The following TAS2R1 variants were observed in gnomAD, a reference collection of about 807,000 sequenced individuals.
TAS2R1 encodes taste receptor type 2 member 1.
For missense variants in TAS2R1, 370 were observed against 353.4 expected, an observed-to-expected ratio of 1.05 and a Z score of -0.38; for synonymous variants, 141 against 134.2, an observed-to-expected ratio of 1.05 and a Z score of -0.35.
intron 1 of TAS2R1, among the ~76,000 whole-genome samples, chr5:9,663,797 G>A (rs538754250): frequency 6.6e-6 from 1 of 152,198 alleles, no homozygotes; most frequent in South Asian, 2.1e-4. Context: ...GATTATCCTG[G>A]GTTACCCAGG....
At chr5:9,700,599 T>C (rs1741460327) in intron 1 of TAS2R1, among the ~76,000 whole-genome samples, 1 of 152,178 alleles carries the variant, frequency 6.6e-6, no homozygotes. Context: ...TATAATGCGC[T>C]TGCTTGCTAG....
At chr5:9,688,469 C>G (rs1406286509) in intron 1 of TAS2R1, among the ~76,000 whole-genome samples, 1 of 152,166 alleles carries the variant, frequency 6.6e-6, no homozygotes, top group Non-Finnish European at 1.5e-5. Context: ...TTCATGACCT[C>G]CTCATCCCTG....
chr5:9,787,943 G>A, the TAS2R1 span, among the ~76,000 whole-genome samples: 13 of 152,196 alleles, frequency 8.5e-5, no homozygotes, highest in Non-Finnish European at 1.5e-4. Context: ...CGTCTGAGGG[G>A]CAGATGCTTT....
the TAS2R1 span, among the ~76,000 whole-genome samples, chr5:9,842,642 G>A: frequency 1.4e-4 from 22 of 152,076 alleles, no homozygotes; most frequent in Non-Finnish European, 4.4e-5. Flanking sequence ...TTTTGAAGCA[G>A]CTCAATCCAC....
At chr5:9,645,489 A>G (rs1740168711) in intron 2 of TAS2R1, 1 of 152,134 alleles carries the variant, frequency 6.6e-6, no homozygotes, top group South Asian at 2.1e-4. Context: ...CCCATCTGGC[A>G]TTTGTCCCCT....
At chr5:9,778,198 T>C in the TAS2R1 span, among the ~76,000 whole-genome samples, 1 of 152,210 alleles carries the variant, frequency 6.6e-6, no homozygotes, top group Admixed American at 6.5e-5. Context: ...GGTGTTTTGC[T>C]GGTGAGTAGT....
the TAS2R1 span, among the ~76,000 whole-genome samples, chr5:9,797,371 G>T: frequency 6.6e-6 from 1 of 152,148 alleles, no homozygotes; most frequent in African/African-American, 2.4e-5. Flanking sequence ...CTCAGAGGCT[G>T]CTTTATAGCA....
the TAS2R1 span, among the ~76,000 whole-genome samples, chr5:9,894,410 A>AAAAACAAAAAC: frequency 1.4e-3 from 15 of 10,350 alleles, no homozygotes; most frequent in East Asian, 0.013. Context: ...AAAACAAAAA[A>AAAAACAAAAAC]AAACAGAAGA....
the TAS2R1 span, among the ~76,000 whole-genome samples, chr5:9,844,047 A>T: frequency 6.6e-6 from 1 of 152,204 alleles, no homozygotes; most frequent in East Asian, 1.9e-4. Flanking sequence ...ATATTAAGAC[A>T]GAATCCTACA....
chr5:9,824,841 T>C, the TAS2R1 span, among the ~76,000 whole-genome samples: 2 of 57,178 alleles, frequency 3.5e-5, no homozygotes, highest in Admixed American at 2.2e-4. Context: ...GAGTGAAAAC[T>C]CTGAAAAAAA....
chr5:9,648,193 T>C (rs1051222141), intron 2 of TAS2R1, among the ~76,000 whole-genome samples: 3 of 152,124 alleles, frequency 2.0e-5, no homozygotes, highest in Non-Finnish European at 4.4e-5. Flanking sequence ...AAAAATGTGA[T>C]CTTAATTATA....
chr5:9,666,460 G>A (rs950495420), intron 1 of TAS2R1, among the ~76,000 whole-genome samples: 24 of 152,170 alleles, frequency 1.6e-4, no homozygotes, highest in African/African-American at 5.3e-4. Flanking sequence ...TTATATCTGG[G>A]AGGAACAAGG....
intron 1 of TAS2R1, among the ~76,000 whole-genome samples, chr5:9,706,856 A>C (rs1382600585): frequency 6.6e-6 from 1 of 151,750 alleles, no homozygotes; most frequent in Admixed American, 6.6e-5. Flanking sequence ...TTCAGCCTCC[A>C]CTCCCCCGAC....
intron 1 of TAS2R1, among the ~76,000 whole-genome samples, chr5:9,706,135 T>C (rs1444550669): frequency 6.6e-6 from 1 of 152,226 alleles, no homozygotes; most frequent in Non-Finnish European, 1.5e-5. Context: ...TGGGTTTTAT[T>C]TTAGGAGACT....
chr5:9,776,032 T>C, the TAS2R1 span, among the ~76,000 whole-genome samples: 1 of 152,166 alleles, frequency 6.6e-6, no homozygotes, highest in East Asian at 1.9e-4. Flanking sequence ...TTTGCAGTTC[T>C]GGTGACCCAG....
At chr5:9,755,858 CAGTGAGG>C in the TAS2R1 span, among the ~76,000 whole-genome samples, 1 of 152,162 alleles carries the variant, frequency 6.6e-6, no homozygotes, top group African/African-American at 2.4e-5. Flanking sequence ...GGGAGTGTAG[CAGTGAGG>C]ACAGTCAGAG....
chr5:9,630,882 T>C (rs1739859975), upstream of TAS2R1, among the ~76,000 whole-genome samples: 1 of 152,256 alleles, frequency 6.6e-6, no homozygotes, highest in Non-Finnish European at 1.5e-5. Context: ...CAGTCTGTAA[T>C]GCACTATGAA....
At chr5:9,776,097 G>T in the TAS2R1 span, among the ~76,000 whole-genome samples, 1 of 152,192 alleles carries the variant, frequency 6.6e-6, no homozygotes, top group Admixed American at 6.5e-5. Context: ...TGGTGGCAAG[G>T]CTTGTTGGAA....
chr5:9,902,911 A>G, the TAS2R1 span, among the ~76,000 whole-genome samples: 1 of 152,016 alleles, frequency 6.6e-6, no homozygotes, highest in Non-Finnish European at 1.5e-5. Flanking sequence ...AGAAGGGAAA[A>G]GTAACCATTT....
Sources: gnomAD v4.1 joint callset for allele counts (sites outside exome capture counted in the v4.1 genomes callset) on GRCh38, gnomAD v4.1.1 for gene constraint, MANE v1.5 for transcripts, NCBI Gene and HGNC (gene_info 2026-07-23, HGNC 2026-07-21) for gene names.